Variants in ZC3H4 observed in about 807,000 individuals in gnomAD.
The protein encoded by ZC3H4 is zinc finger CCCH-type containing 4, also known as zinc finger CCCH domain-containing protein 4.
A neutral mutation model predicts 108.3 loss-of-function variants in ZC3H4; 13 were observed. The observed-to-expected ratio is 0.12, with a 90% CI of 0.08 to 0.19. The LOEUF (loss-of-function observed/expected upper bound fraction) is 0.19. ZC3H4 is among the 10% of genes least tolerant of loss of function. The probability of loss-of-function intolerance (pLI) is 1.00; values close to 1 mark genes in which losing one functional copy is unlikely to be tolerated. For missense variants in ZC3H4, 1,734 were observed against 1,838.8 expected (o/e 0.94, Z 1.04); for synonymous variants, 917 against 749.6 (o/e 1.22, Z -3.65).
chr19:47,083,924 T>C lies in ZC3H4; in HGVS notation c.1218+421A>G, dbSNP rs540401522. Among the ~76,000 whole-genome samples, 93 of 152,210 alleles carry C rather than the reference T, an allele frequency of 6.1e-4. 1 individual carries two copies. Among genetic ancestry groups the C allele is most frequent in the Admixed American group, 2.6e-3 (39 of 15,278 alleles). On this transcript the variant is annotated intron_variant, in intron 9 of 14. Transcript: ENST00000253048. Reference sequence around the variant, plus strand: ...GTGGTCATTGGTCCATCTTCTGACATTGAACTCTGCTATGAAGTCCAAGGT... The same window carrying C: ...GTGGTCATTGGTCCATCTTCTGACACTGAACTCTGCTATGAAGTCCAAGGT...
rs765035060 is a variant in ZC3H4, at chr19:47,067,084, G to A, written c.3184C>T (p.Pro1062Ser). ...TCACTGGGTTTGTCGCTGGAACCGG[G>A]GGCGGCCGAGGAGCCGGTGGCATTG... ...TVNATGSSAA[P>S]GSSDKPSDPR... Residue 1062 changes from proline (P) to serine (S), a missense_variant, in exon 15 of 15, where the codon CCC becomes TCC. Transcript: ENST00000253048. This position sits in a 1 kb window ranked among gnomAD's most constrained non-coding sequence, Gnocchi z 6.4. 38 of 1,610,194 alleles carry A rather than the reference G, an allele frequency of 2.4e-5. No individual in the cohort carries two copies. The highest frequency in any genetic ancestry group is 3.2e-5 in the Non-Finnish European group (38 of 1,178,438).
At chr19:47,068,269 C>G (rs1214213748) in intron 14 of ZC3H4, among the ~76,000 whole-genome samples, 1 of 152,236 alleles carries the variant, frequency 6.6e-6, no homozygotes, top group Non-Finnish European at 1.5e-5. Context: ...CCGCCCACCT[C>G]CGGGCTGGTT....
chr19:47,108,410 G>A (rs551434208), intron 2 of ZC3H4, among the ~76,000 whole-genome samples: 1 of 152,180 alleles, frequency 6.6e-6, no homozygotes, highest in Non-Finnish European at 1.5e-5. Flanking sequence ...TCTATGGAGA[G>A]ATGTTTCTAC....
In ZC3H4 at chr19:47,072,282, C is replaced by T. The variant is rs2057343893; in HGVS notation, c.1802+70G>A. 1 of 1,524,580 alleles carries T rather than the reference C, an allele frequency of 6.6e-7. No individual in the cohort carries two copies. The highest frequency in any genetic ancestry group is 8.9e-7 in the Non-Finnish European group (1 of 1,123,208). The allele number at this position is 1,524,580 out of a possible 1,614,324, so 94.4% of individuals were successfully genotyped here. A position where few individuals can be genotyped will look rare whatever the true frequency, so the allele number is the denominator to read the frequency against. On this transcript the variant is annotated intron_variant, in intron 12 of 14. Transcript: ENST00000253048. This position sits in a 1 kb window ranked among gnomAD's most constrained non-coding sequence, Gnocchi z 5.6. ...AGGACTCTCCCACAGCCAGGCTTGC[C>T]CTAACAAGAGGAGCCTGGCTGGGCC...
intron 11 of ZC3H4, among the ~76,000 whole-genome samples, chr19:47,077,861 C>CAAAAAAAA (rs767129835): frequency 1.4e-5 from 1 of 72,296 alleles, no homozygotes; most frequent in African/African-American, 4.1e-5. Context: ...CCGTCTCAAA[C>CAAAAAAAA]AAAAAAAAAA....
chr19:47,066,630 T>G lies in ZC3H4; in HGVS notation c.3638A>C (p.Asp1213Ala). 6.2e-7 allele frequency: 1 copy of G among 1,611,814 alleles called. No individual in the cohort carries two copies. The highest frequency in any genetic ancestry group is 1.1e-5 in the South Asian group (1 of 90,836). The change falls in exon 15 of 15, where the codon GAC becomes GCC. Residue 1213 changes from aspartate to alanine, a missense_variant. By Grantham distance (126) the Asp-to-Ala change is moderately radical. Transcript: ENST00000253048. The stretch of plus-strand genomic sequence containing the variant: ...GGGCCGGTTGTAGCTGTTGTATCTG[T>G]CCGTGGGGGTGCCCCCATCAGCACC... ...KAGADGGTPT[D>A]RYNSYNRPRP...
chr19:47,071,789 A>T lies in ZC3H4; in HGVS notation c.2135T>A (p.Leu712Gln), dbSNP rs760625975. Residue 712 changes from leucine to glutamine, a missense_variant, in exon 13 of 15, where the codon CTG becomes CAG. Around this residue, in one of 9 missense-constraint regions of ZC3H4, gnomAD observed 540 missense variants for 484.1 expected, o/e 1.12. Coordinates refer to ENST00000253048, the MANE Select transcript of ZC3H4 (RefSeq NM_015168.2). ...GGAGTCCCGCATACCTGCATCCCCC[A>T]GGAGTCCGGGCTCCATCTCCATGCC... is the stretch of plus-strand genomic sequence containing the variant. Reference protein sequence around the residue: ...QEGMEMEPGLLGDAEDYGHYE... With the variant: ...QEGMEMEPGLQGDAEDYGHYE... The T allele has an allele frequency of 2.1e-5, 34 of 1,609,896 alleles. No homozygotes were observed.
chr19:47,106,111 T>C (rs535338080), intron 2 of ZC3H4, among the ~76,000 whole-genome samples: 1 of 152,344 alleles, frequency 6.6e-6, no homozygotes, highest in East Asian at 1.9e-4. Context: ...CTCTGGCAGA[T>C]AATCTTTGAC....
chr19:47,110,749 C>A (rs1384891005), intron 2 of ZC3H4: 1 of 278,320 alleles, frequency 3.6e-6, no homozygotes, highest in South Asian at 1.4e-4. Flanking sequence ...AGAGGGGGCC[C>A]GGAAGCCCAA....
At chr19:47,073,261 G>A (rs370862933) in intron 11 of ZC3H4, among the ~76,000 whole-genome samples, 10 of 151,658 alleles carry the variant, frequency 6.6e-5, no homozygotes, top group African/African-American at 2.4e-4. Context: ...CAACAGAGGA[G>A]ACTCTGTCTC....
intron 4 of ZC3H4, 64 bp from the exon 5 acceptor site, chr19:47,090,253 A>C: frequency 6.3e-7 from 1 of 1,577,350 alleles, no homozygotes. Context: ...CAGACTACCA[A>C]GATACCCAGG....
rs1314383086 is a variant in ZC3H4, at chr19:47,112,528, TGGCGGCGGCGGCGACTCTGATGGC to T, written c.33_56del (p.Pro12_Pro19del). 2 of 1,066,172 alleles carry T rather than the reference TGGCGGCGGCGGCGACTCTGATGGC, an allele frequency of 1.9e-6. No homozygotes were observed. Among genetic ancestry groups the T allele is most frequent in the African/African-American group, 3.3e-5 (2 of 60,362 alleles). 66.0% of individuals were successfully genotyped at this position (1,066,172 alleles called of 1,614,324 possible). On this transcript the variant is annotated inframe_deletion, in exon 2 of 15. Coordinates refer to ENST00000253048, the MANE Select transcript of ZC3H4 (RefSeq NM_015168.2). ...AAGGCGTTGATGGCGGCGGCGGCGA[TGGCGGCGGCGGCGACTCTGATGGC>T]GGCGGCGGGGGGGTCCCGGGCGCGG...
chr19:47,069,131 G>C lies in ZC3H4; in HGVS notation c.2359C>G (p.Leu787Val), dbSNP rs755496632. The C allele has an allele frequency of 1.9e-6, 3 of 1,605,516 alleles. No homozygotes were observed. The highest frequency in any genetic ancestry group is 2.5e-6 in the Non-Finnish European group (3 of 1,179,928). ...QQEEEERARRLAESSKQDREN... is the reference protein window; with the variant it reads ...QQEEEERARRVAESSKQDREN... ...CGGTCCTGCTTGCTGCTCTCAGCCAGCCTCCTCGCTCTCTCCTCCTCCTCC... is the reference window on the plus strand; with the variant it reads ...CGGTCCTGCTTGCTGCTCTCAGCCACCCTCCTCGCTCTCTCCTCCTCCTCC... The change falls in exon 14 of 15, where the codon CTG becomes GTG. Residue 787 changes from leucine to valine, a missense_variant. By Grantham distance (32) the Leu-to-Val change is conservative. Transcript: ENST00000253048.
chr19:47,111,679 G>A (rs1305020124), intron 2 of ZC3H4, among the ~76,000 whole-genome samples: 1 of 152,056 alleles, frequency 6.6e-6, no homozygotes, highest in Non-Finnish European at 1.5e-5. Flanking sequence ...AAAAGGGCTG[G>A]AGATGCATCT....
At chr19:47,077,963 G>C (rs979938570) in intron 11 of ZC3H4, among the ~76,000 whole-genome samples, 1 of 151,672 alleles carries the variant, frequency 6.6e-6, no homozygotes, top group African/African-American at 2.4e-5. Flanking sequence ...CAAACATCAA[G>C]TTTTGCTTTC....
intron 2 of ZC3H4, among the ~76,000 whole-genome samples, chr19:47,103,450 T>C (rs1162589050): frequency 6.6e-6 from 1 of 152,082 alleles, no homozygotes; most frequent in Admixed American, 6.6e-5. Context: ...ACTACAAGCA[T>C]GCACCACCAT....
At chr19:47,099,980 C>T (rs1358029057) in intron 2 of ZC3H4, among the ~76,000 whole-genome samples, 1 of 152,132 alleles carries the variant, frequency 6.6e-6, no homozygotes, top group Non-Finnish European at 1.5e-5. Context: ...AGACTCTCAA[C>T]AAATTGCCTG....
At chr19:47,091,310 C>T (rs190286961) in intron 4 of ZC3H4, among the ~76,000 whole-genome samples, 15 of 152,238 alleles carry the variant, frequency 9.9e-5, no homozygotes, top group Admixed American at 3.9e-4. Flanking sequence ...GTAGCTCACA[C>T]CTGTAATCCC....
At chr19:47,092,471 T>C (rs2057749864) in intron 4 of ZC3H4, among the ~76,000 whole-genome samples, 1 of 152,240 alleles carries the variant, frequency 6.6e-6, no homozygotes, top group Non-Finnish European at 1.5e-5. Context: ...TGATGGATGA[T>C]GCTGGGTCAT....
Sources: allele counts gnomAD v4.1 joint callset (sites outside exome capture counted in the v4.1 genomes callset), GRCh38; gene constraint gnomAD v4.1.1; regional missense constraint gnomAD v4.1.1; non-coding constraint Gnocchi (gnomAD v3.1); transcripts MANE v1.5; gene names NCBI Gene and HGNC (gene_info 2026-07-23, HGNC 2026-07-21).